SIRT4: variants seen among roughly 807,000 people sequenced by gnomAD.
The protein encoded by SIRT4 is sirtuin 4.
SIRT4 carries 23 observed loss-of-function variants against 26.1 expected under a neutral mutation model. That is an observed-to-expected ratio of 0.88 (90% confidence interval 0.63 to 1.25). SIRT4 has a LOEUF of 1.25. Among genes scored for constraint, SIRT4 ranks in the 50% most tolerant of loss-of-function variants. The probability of loss-of-function intolerance (pLI) is 0.00; values close to 1 mark genes in which losing one functional copy is unlikely to be tolerated. For synonymous variants in SIRT4, 155 were observed against 158.4 expected (o/e 0.98, Z 0.16); for missense variants, 361 against 405.4 (o/e 0.89, Z 0.94).
chr12:120,304,474 A>G (rs1392611593), intron 2 of SIRT4, among the ~76,000 whole-genome samples: 1 of 151,784 alleles, frequency 6.6e-6, no homozygotes, highest in Non-Finnish European at 1.5e-5. Context: ...ACATGGTGAA[A>G]CCCCATTTCT....
the SIRT4 span, chr12:120,293,048 C>T: frequency 7.4e-5 from 11 of 149,312 alleles, no homozygotes; most frequent in African/African-American, 2.5e-4. Context: ...ACCAAGCACC[C>T]CCACACACAC....
chr12:120,292,992 C>G, the SIRT4 span: 1 of 152,164 alleles, frequency 6.6e-6, no homozygotes, highest in African/African-American at 2.4e-5. Flanking sequence ...ACTTCCCCAT[C>G]TCTCATTTAG....
At chr12:120,292,582 A>G in the SIRT4 span, among the ~76,000 whole-genome samples, 738 of 152,292 alleles carry the variant, frequency 4.8e-3, 4 homozygotes, top group African/African-American at 0.017. Context: ...AGCCTGAGCG[A>G]CAGACTTCGT....
chr12:120,293,231 C>CG, the SIRT4 span: 1 of 152,290 alleles, frequency 6.6e-6, no homozygotes, highest in Admixed American at 6.5e-5. Context: ...TGCCACTGCG[C>CG]AAAGCTAATT....
At chr12:120,306,423 C>T (rs1296794397) in intron 2 of SIRT4, among the ~76,000 whole-genome samples, 12 of 151,372 alleles carry the variant, frequency 7.9e-5, no homozygotes, top group Non-Finnish European at 1.8e-4. Context: ...TGCGGTGAGC[C>T]GAGATTGTGC....
Position 120,312,557 on chromosome 12 carries a change from C to T in SIRT4, c.599C>T (p.Ala200Val). 1 of 1,614,194 alleles carries T rather than the reference C, an allele frequency of 6.2e-7. No individual in the cohort carries two copies. Among genetic ancestry groups the T allele is most frequent in the Non-Finnish European group, 8.5e-7 (1 of 1,180,042 alleles). The change falls in exon 3 of 4, where the codon GCT (alanine) becomes GTT (valine). Residue 200 changes from alanine (A) to valine (V), a missense_variant. By Grantham distance (64) the Ala-to-Val change is moderately conservative. Coordinates refer to ENST00000202967, the MANE Select transcript of SIRT4 (RefSeq NM_012240.3). ...PTWSAEAHGL[A>V]PDGDVFLSEE... The stretch of plus-strand genomic sequence containing the variant: ...TGGAGTGCTGAGGCCCATGGCCTGG[C>T]TCCTGATGGTGACGTCTTTCTCTCA...
At chr12:120,311,543 C>A (rs1020077694) in intron 2 of SIRT4, among the ~76,000 whole-genome samples, 2 of 146,946 alleles carry the variant, frequency 1.4e-5, no homozygotes, top group Non-Finnish European at 3.0e-5. Flanking sequence ...ACCAGCCTTA[C>A]CAACATGGAG....
the SIRT4 span, among the ~76,000 whole-genome samples, chr12:120,293,488 G>A: frequency 4.6e-5 from 7 of 152,174 alleles, no homozygotes; most frequent in Non-Finnish European, 7.3e-5. Context: ...AGACTGCGAA[G>A]GGCTTTTGAG....
chr12:120,306,738 G>C (rs998044030), intron 2 of SIRT4, among the ~76,000 whole-genome samples: 1 of 152,176 alleles, frequency 6.6e-6, no homozygotes, highest in Non-Finnish European at 1.5e-5. Context: ...GGGAGGCAGA[G>C]GTTGCAGTGA....
the SIRT4 span, chr12:120,293,196 G>C: frequency 3.9e-5 from 6 of 152,150 alleles, no homozygotes; most frequent in African/African-American, 4.8e-5. Context: ...ATCGCGCCTC[G>C]GATAGACCTC....
upstream of SIRT4, among the ~76,000 whole-genome samples, chr12:120,301,340 G>A (rs1872538257): frequency 1.4e-5 from 2 of 147,462 alleles, no homozygotes; most frequent in African/African-American, 4.9e-5. Flanking sequence ...GCGAGACTCC[G>A]TCTCAAAAAC....
intron 2 of SIRT4, among the ~76,000 whole-genome samples, chr12:120,310,263 G>A (rs1872907931): frequency 6.6e-6 from 1 of 152,066 alleles, no homozygotes; most frequent in Admixed American, 6.6e-5. Context: ...CTGCTCGGGA[G>A]GCTGAGGCAG....
At chr12:120,310,668 C>T (rs143149352) in intron 2 of SIRT4, among the ~76,000 whole-genome samples, 5 of 151,344 alleles carry the variant, frequency 3.3e-5, no homozygotes, top group Non-Finnish European at 1.5e-5. Flanking sequence ...CCTAGGAGTT[C>T]GAGGCTGCAG....
chr12:120,300,785 G>C (rs1872513543), upstream of SIRT4, among the ~76,000 whole-genome samples: 3 of 152,062 alleles, frequency 2.0e-5, no homozygotes, highest in South Asian at 6.2e-4. Context: ...GTCCTTAGGT[G>C]GTCTTCAAGG....
At chr12:120,310,702 C>T (rs1872925398) in intron 2 of SIRT4, among the ~76,000 whole-genome samples, 2 of 150,676 alleles carry the variant, frequency 1.3e-5, no homozygotes, top group Non-Finnish European at 3.0e-5. Flanking sequence ...TGCCACTGCA[C>T]TCCAGGTAAG....
intron 2 of SIRT4, among the ~76,000 whole-genome samples, chr12:120,306,900 G>A (rs1872763960): frequency 6.6e-6 from 1 of 152,186 alleles, no homozygotes; most frequent in South Asian, 2.1e-4. Context: ...GCTATAAACT[G>A]CTGGGTTTCC....
chr12:120,312,439 G>A lies in SIRT4; in HGVS notation c.498-17G>A, dbSNP rs764679208. 94 of 1,593,912 alleles carry A rather than the reference G, an allele frequency of 5.9e-5. No homozygotes were observed. Among genetic ancestry groups the A allele is most frequent in the Admixed American group, 4.3e-4 (24 of 56,264 alleles). ...CCCAAGGGCATACTGTTCAGTCAGC[G>A]TCTTCCTTGGTTCCAGGGTCCTGTG... On this transcript the variant is annotated splice_polypyrimidine_tract_variant and intron_variant, in intron 2 of 3. Coordinates refer to ENST00000202967, the MANE Select transcript of SIRT4 (RefSeq NM_012240.3).
rs1307075626 is a variant in SIRT4 at position 120,304,827 on chromosome 12, ATATATATATTTTTTT to A, written c.497+771_497+785del. On this transcript the variant is annotated intron_variant, in intron 2 of 3. Coordinates refer to ENST00000202967, the MANE Select transcript of SIRT4 (RefSeq NM_012240.3). Reference sequence around the variant, plus strand: ...TTTATATATATATATATATATATATATATATATATTTTTTTTTTTTTTTTTTTTTTTTAAAGAAAG... The same window carrying A: ...TTTATATATATATATATATATATATATTTTTTTTTTTTTTTTTAAAGAAAG... 4.0e-3 allele frequency among the ~76,000 whole-genome samples: 421 copies of A among 104,078 alleles called. 2 individuals are homozygous for A. Among genetic ancestry groups the A allele is most frequent in the Admixed American group, 0.017 (163 of 9,668 alleles). The allele number at this position is 104,078 out of a possible 152,430, so 68.3% of individuals were successfully genotyped here.
chr12:120,303,245 C>T (rs868469985), intron 1 of SIRT4, among the ~76,000 whole-genome samples: 5 of 151,530 alleles, frequency 3.3e-5, no homozygotes, highest in East Asian at 2.0e-4. Flanking sequence ...GTTGGGAGGC[C>T]GAGGCGGGCA....
Sources: allele counts gnomAD v4.1 joint callset (sites outside exome capture counted in the v4.1 genomes callset), GRCh38; gene constraint gnomAD v4.1.1; transcripts MANE v1.5; gene names NCBI Gene and HGNC (gene_info 2026-07-23, HGNC 2026-07-21).